Variants in GRM1 observed in about 807,000 individuals in gnomAD.
GRM1 encodes glutamate metabotropic receptor 1.
In GRM1, 33 loss-of-function variants were observed where a neutral mutation model predicts 90.9. The observed-to-expected ratio is 0.36, with a 90% CI of 0.28 to 0.49. The LOEUF (loss-of-function observed/expected upper bound fraction) is 0.49, where lower values mean the gene tolerates loss of function less well. GRM1 is among the 20% of genes least tolerant of loss of function. GRM1 has a pLI of 0.99. For missense variants in GRM1, 1,190 were observed against 1,534.3 expected, an observed-to-expected ratio of 0.78 and a Z score of 3.75; for synonymous variants, 700 against 613.2, an observed-to-expected ratio of 1.14 and a Z score of -2.09.
At chr6:146,188,077 CA>C (rs1778799065) in intron 2 of GRM1, among the ~76,000 whole-genome samples, 1 of 151,854 alleles carries the variant, frequency 6.6e-6, no homozygotes, top group South Asian at 2.1e-4. Context: ...TAAAGTGTTT[CA>C]AAAAAGGATT....
chr6:146,324,694 T>C (rs1784338857), intron 3 of GRM1, among the ~76,000 whole-genome samples: 1 of 152,094 alleles, frequency 6.6e-6, no homozygotes, highest in Admixed American at 6.5e-5. Context: ...CCTGACCCTT[T>C]GCGCTTCCCA....
At chr6:146,397,206 G>C (rs1349984719) in intron 6 of GRM1, among the ~76,000 whole-genome samples, 2 of 151,988 alleles carry the variant, frequency 1.3e-5, no homozygotes, top group African/African-American at 4.8e-5. Flanking sequence ...AAGCTGGCTG[G>C]GTGTGGTGGC....
intron 2 of GRM1, among the ~76,000 whole-genome samples, chr6:146,168,889 A>G (rs1778004814): frequency 6.6e-6 from 1 of 152,058 alleles, no homozygotes; most frequent in Non-Finnish European, 1.5e-5. Flanking sequence ...CCTTATCACT[A>G]GTATTGAGTC....
At chr6:146,414,407 T>TTATTA (rs1562682696) in intron 7 of GRM1, among the ~76,000 whole-genome samples, 2 of 66,424 alleles carry the variant, frequency 3.0e-5, no homozygotes, top group African/African-American at 2.1e-4. Context: ...TATTATTATT[T>TTATTA]TTGTTGTTGT....
At chr6:146,186,309 C>G (rs1293125232) in intron 2 of GRM1, among the ~76,000 whole-genome samples, 2 of 151,930 alleles carry the variant, frequency 1.3e-5, no homozygotes, top group Admixed American at 6.6e-5. Context: ...ACAATTGCCT[C>G]TAAGACTGAT....
intron 7 of GRM1, among the ~76,000 whole-genome samples, chr6:146,433,570 CAGAG>C (rs1292600276): frequency 2.0e-5 from 3 of 147,090 alleles, no homozygotes; most frequent in Non-Finnish European, 3.0e-5. Context: ...CAGAGAGAGA[CAGAG>C]GGAGAGGGAG....
intron 1 of GRM1, among the ~76,000 whole-genome samples, chr6:146,141,736 A>G (rs2128884192): frequency 6.6e-6 from 1 of 152,050 alleles, no homozygotes; most frequent in Non-Finnish European, 1.5e-5. Flanking sequence ...GATTCTTTTT[A>G]ATTATTTCAA....
chr6:146,228,473 G>T (rs576529848), intron 2 of GRM1, among the ~76,000 whole-genome samples: 1 of 152,058 alleles, frequency 6.6e-6, no homozygotes, highest in Non-Finnish European at 1.5e-5. Flanking sequence ...ATTCCTGAAG[G>T]CTCCACCCTC....
upstream of GRM1, among the ~76,000 whole-genome samples, chr6:146,028,116 C>T: frequency 6.6e-6 from 1 of 152,104 alleles, no homozygotes; most frequent in Non-Finnish European, 1.5e-5. Context: ...GCCCCGCAGG[C>T]GGCTGAGATT....
At chr6:146,068,000 G>A (rs754082062) in intron 1 of GRM1, among the ~76,000 whole-genome samples, 3 of 152,080 alleles carry the variant, frequency 2.0e-5, no homozygotes, top group Admixed American at 6.5e-5. Flanking sequence ...GTTGTAATGC[G>A]CTTTGCATTT....
intron 1 of GRM1, among the ~76,000 whole-genome samples, chr6:146,134,581 G>C (rs1776536368): frequency 6.6e-6 from 1 of 152,040 alleles, no homozygotes; most frequent in African/African-American, 2.4e-5. Context: ...CAGAGCAAAG[G>C]GGAGAAAAGC....
At chr6:146,217,534 C>T (rs1055784533) in intron 2 of GRM1, among the ~76,000 whole-genome samples, 2 of 152,132 alleles carry the variant, frequency 1.3e-5, no homozygotes, top group African/African-American at 2.4e-5. Context: ...TTATTATGCT[C>T]TCATAATATT....
chr6:146,412,259 C>T (rs2114629557), intron 7 of GRM1, among the ~76,000 whole-genome samples: 1 of 152,258 alleles, frequency 6.6e-6, no homozygotes, highest in African/African-American at 2.4e-5. Flanking sequence ...TCCTAGCTGA[C>T]ATATCGTTCT....
intron 1 of GRM1, among the ~76,000 whole-genome samples, chr6:146,034,732 C>G (rs1275828933): frequency 6.6e-6 from 1 of 151,966 alleles, no homozygotes. Context: ...TTCTGGTGTT[C>G]ACTCAGCCTA....
intron 7 of GRM1, among the ~76,000 whole-genome samples, chr6:146,412,622 T>G (rs1280136455): frequency 6.6e-6 from 1 of 152,228 alleles, no homozygotes; most frequent in African/African-American, 2.4e-5. Flanking sequence ...TTATTATACC[T>G]GTGCTCAGCT....
chr6:146,378,285 C>A (rs575177723), intron 5 of GRM1, among the ~76,000 whole-genome samples: 9 of 152,270 alleles, frequency 5.9e-5, no homozygotes, highest in Non-Finnish European at 1.2e-4. Flanking sequence ...CCTCCAGACC[C>A]CAGAATGATA....
intron 1 of GRM1, among the ~76,000 whole-genome samples, chr6:146,044,950 A>C (rs1791270405): frequency 6.6e-6 from 1 of 151,860 alleles, no homozygotes; most frequent in Non-Finnish European, 1.5e-5. Context: ...ACAGATTCTG[A>C]CTTAGTAGAT....
intron 3 of GRM1, among the ~76,000 whole-genome samples, chr6:146,324,074 C>T (rs537526499): frequency 1.3e-5 from 2 of 152,234 alleles, no homozygotes; most frequent in East Asian, 1.9e-4. Context: ...TGGCGATGTT[C>T]TTTCAGAGAT....
chr6:146,325,446 A>G (rs1784370195), intron 3 of GRM1, among the ~76,000 whole-genome samples: 1 of 152,244 alleles, frequency 6.6e-6, no homozygotes, highest in African/African-American at 2.4e-5. Context: ...TTATTATGAT[A>G]TAGTACAAAG....
Sources: allele counts gnomAD v4.1 joint callset (sites outside exome capture counted in the v4.1 genomes callset), GRCh38; gene constraint gnomAD v4.1.1; transcripts MANE v1.5; gene names NCBI Gene and HGNC (gene_info 2026-07-23, HGNC 2026-07-21).